AGAP1: variants seen among roughly 807,000 people sequenced by gnomAD.
The protein encoded by AGAP1 is ArfGAP with GTPase domain, ankyrin repeat and PH domain 1.
A neutral mutation model predicts 105.3 loss-of-function variants in AGAP1; 29 were observed. That is an observed-to-expected ratio of 0.28 (90% confidence interval 0.21 to 0.38). The LOEUF is 0.38. Ranked by LOEUF, AGAP1 falls within the 10% of genes least tolerant of loss-of-function variation. The pLI, the probability that AGAP1 is intolerant of heterozygous loss-of-function variation, is 1.00. For missense variants in AGAP1, 998 were observed against 1,165.1 expected (o/e 0.86, Z 2.09); for synonymous variants, 509 against 485.9 (o/e 1.05, Z -0.63).
Position 235,655,071 on chromosome 2 carries a change from CTTT to C in AGAP1, c.164-54096_164-54094del, listed in dbSNP as rs201145604. Among the ~76,000 whole-genome samples the C allele has an allele frequency of 3.5e-5, 5 of 143,648 alleles. No individual in the cohort carries two copies. The highest frequency in any genetic ancestry group is 1.5e-5 in the Non-Finnish European group (1 of 65,418). 94.2% of individuals were successfully genotyped at this position (143,648 alleles called of 152,430 possible). A position where few individuals can be genotyped will look rare whatever the true frequency, so the allele number is the denominator to read the frequency against. ...TAATTACTATATCCAGAATGATCCT[CTTT>C]TTTTTTTTTTTGAGTTGTGTGTTAA... is the stretch of plus-strand genomic sequence containing the variant. On this transcript the variant is annotated intron_variant, in intron 1 of 17. Transcript: ENST00000304032. The surrounding 1 kb of genome is among the most constrained non-coding windows in gnomAD (Gnocchi z 4.3).
At chr2:235,776,753 G>A (rs1483575964) in intron 6 of AGAP1, among the ~76,000 whole-genome samples, 1 of 152,116 alleles carries the variant, frequency 6.6e-6, no homozygotes, top group Non-Finnish European at 1.5e-5. Flanking sequence ...TTGTACTCCA[G>A]GCACTGCAAG....
intron 1 of AGAP1, among the ~76,000 whole-genome samples, chr2:235,683,653 T>C (rs6761947): frequency 0.29 from 43,678 of 151,358 alleles, 7,260 homozygotes; most frequent in East Asian, 0.44. Flanking sequence ...GAGTCCAGCT[T>C]GCTCTCCTTT....
intron 16 of AGAP1, among the ~76,000 whole-genome samples, chr2:236,088,337 G>A (rs1020267955): frequency 2.6e-4 from 39 of 152,244 alleles, no homozygotes; most frequent in African/African-American, 7.0e-4. Context: ...GATAGCTCCA[G>A]CTCTGCTGGA....
In AGAP1 at chr2:235,564,762, G is replaced by A. The variant is rs190011724; in HGVS notation, c.163+69913G>A. On this transcript the variant is annotated intron_variant, in intron 1 of 17. Transcript: ENST00000304032. ...TGGACCAGCACCCAGGGCCAGGTGT[G>A]AGCCTGGACCAGCACCCACGGCCAG... 8.8e-3 allele frequency among the ~76,000 whole-genome samples: 1,200 copies of A among 136,358 alleles called. 24 individuals are homozygous for A. Among genetic ancestry groups the A allele is most frequent in the African/African-American group, 0.035 (1,142 of 32,372 alleles). The allele number at this position is 136,358 out of a possible 152,430, so 89.5% of individuals were successfully genotyped here. A position where few individuals can be genotyped will look rare whatever the true frequency, so the allele number is the denominator to read the frequency against.
At chr2:235,746,548 A>G (rs943239200) in intron 5 of AGAP1, among the ~76,000 whole-genome samples, 1 of 151,666 alleles carries the variant, frequency 6.6e-6, no homozygotes, top group Non-Finnish European at 1.5e-5. Flanking sequence ...GCACCACCCA[A>G]AAGTCCTTGG....
In AGAP1 at chr2:235,601,297, G is replaced by A. The variant is rs1246150415; in HGVS notation, c.163+106448G>A. Among the ~76,000 whole-genome samples the A allele has an allele frequency of 6.6e-6, 1 of 152,164 alleles. No individual in the cohort carries two copies. Among genetic ancestry groups the A allele is most frequent in the Non-Finnish European group, 1.5e-5 (1 of 68,034 alleles). ...TGGGGGTGGGGAGAGAGGCGAGAAG[G>A]GAAGGAGAAAGAGATGGAGACAGGT... On this transcript the variant is annotated intron_variant, in intron 1 of 17. Transcript: ENST00000304032. The surrounding 1 kb of genome is among the most constrained non-coding windows in gnomAD (Gnocchi z 4.4).
At position 236,042,445 on chromosome 2, in the gene AGAP1, T is replaced by C. The variant is rs1046654445; in HGVS notation, c.1891+1604T>C. Reference sequence around the variant, plus strand: ...TGAATGTTTAAGTTTTACTTTCAAATGTGTGGTGAAATGAAGTTCGAAGAG... The same window carrying C: ...TGAATGTTTAAGTTTTACTTTCAAACGTGTGGTGAAATGAAGTTCGAAGAG... On this transcript the variant is annotated intron_variant, in intron 15 of 17. Coordinates refer to ENST00000304032, the MANE Select transcript of AGAP1 (RefSeq NM_001037131.3). This position sits in a 1 kb window ranked among gnomAD's most constrained non-coding sequence, Gnocchi z 5.6. 2.0e-5 allele frequency among the ~76,000 whole-genome samples: 3 copies of C among 152,216 alleles called. No homozygotes were observed. Among genetic ancestry groups the C allele is most frequent in the Non-Finnish European group, 4.4e-5 (3 of 68,040 alleles).
intron 8 of AGAP1, among the ~76,000 whole-genome samples, chr2:235,802,271 C>T (rs965346037): frequency 3.9e-5 from 6 of 152,150 alleles, no homozygotes; most frequent in Admixed American, 2.6e-4. Context: ...TACAGGCATC[C>T]ATGAAGAGGC....
rs1951808208 is a variant in AGAP1 at position 235,729,157 on chromosome 2, G to A, written c.310+11513G>A. ...AATCCCCAGGCCACCTCTGGACCTT[G>A]ACATTGACTAATGGGATGAGCTGCT... is the stretch of plus-strand genomic sequence containing the variant. On this transcript the variant is annotated intron_variant, in intron 3 of 17. Coordinates refer to ENST00000304032, the MANE Select transcript of AGAP1 (RefSeq NM_001037131.3). The surrounding 1 kb of genome is among the most constrained non-coding windows in gnomAD (Gnocchi z 5.0). Among the ~76,000 whole-genome samples the A allele has an allele frequency of 6.6e-6, 1 of 152,174 alleles. No individual in the cohort carries two copies. Among genetic ancestry groups the A allele is most frequent in the South Asian group, 2.1e-4 (1 of 4,824 alleles).
rs1429655296 is a variant in AGAP1 at position 235,877,448 on chromosome 2, A to G, written c.1051-5897A>G. On this transcript the variant is annotated intron_variant, in intron 9 of 17. Transcript: ENST00000304032. The surrounding 1 kb of genome is among the most constrained non-coding windows in gnomAD (Gnocchi z 4.3). ...GTGTCAGCTGCCTCGTGACCGTATC[A>G]CGTGGTGACCCCAGTCTCTTCCTTT... is the stretch of plus-strand genomic sequence containing the variant. Among the ~76,000 whole-genome samples the G allele has an allele frequency of 5.9e-5, 9 of 152,134 alleles. No individual in the cohort carries two copies. Among genetic ancestry groups the G allele is most frequent in the Admixed American group, 5.9e-4 (9 of 15,274 alleles).
At chr2:235,657,372 G>A (rs532822922) in intron 1 of AGAP1, among the ~76,000 whole-genome samples, 1 of 152,178 alleles carries the variant, frequency 6.6e-6, no homozygotes, top group African/African-American at 2.4e-5. Context: ...AATAAGTGAT[G>A]TTGTTGTTGT....
At chr2:236,122,725 C>T (rs1325346647) in intron 17 of AGAP1, among the ~76,000 whole-genome samples, 1 of 142,868 alleles carries the variant, frequency 7.0e-6, no homozygotes, top group Non-Finnish European at 1.5e-5. Flanking sequence ...CTCTGTCTCC[C>T]GGGCTGGAGT....
chr2:235,985,815 CT>C (rs2055290818), intron 13 of AGAP1, among the ~76,000 whole-genome samples: 1 of 152,048 alleles, frequency 6.6e-6, no homozygotes, highest in Admixed American at 6.6e-5. Context: ...CTCTGTTCTG[CT>C]CCATTGGTCT....
At chr2:235,641,645 C>A (rs552255711) in intron 1 of AGAP1, among the ~76,000 whole-genome samples, 169 of 152,342 alleles carry the variant, frequency 1.1e-3, no homozygotes, top group Non-Finnish European at 2.1e-3. Context: ...CTTTCCCCCC[C>A]ACATACGTTC....
At chr2:235,499,152 C>T (rs1351653183) in intron 1 of AGAP1, among the ~76,000 whole-genome samples, 2 of 152,196 alleles carry the variant, frequency 1.3e-5, no homozygotes, top group African/African-American at 4.8e-5. Flanking sequence ...CCGACCTCAC[C>T]TCTGGCCCTC....
intron 16 of AGAP1, chr2:236,049,947 G>A (rs1024228658): frequency 1.3e-5 from 2 of 152,204 alleles, no homozygotes; most frequent in Non-Finnish European, 2.9e-5. Context: ...CTTCTGAGAA[G>A]GCGTATGGCA....
chr2:235,697,368 G>A (rs948142088), intron 1 of AGAP1, among the ~76,000 whole-genome samples: 9 of 152,184 alleles, frequency 5.9e-5, no homozygotes, highest in Admixed American at 2.6e-4. Context: ...CATGTTGTTC[G>A]TCTTCATGTG....
rs909332892 is a variant in AGAP1 at position 235,988,362 on chromosome 2, T to C, written c.1645+19739T>C. On this transcript the variant is annotated intron_variant, in intron 13 of 17. Transcript: ENST00000304032. The surrounding 1 kb of genome is among the most constrained non-coding windows in gnomAD (Gnocchi z 4.7). ...CTGGCCTAAAACTCCTTTTGATTGGTGCGTGGGTGACAATGGATTCCCTGT... is the reference window on the plus strand; with the variant it reads ...CTGGCCTAAAACTCCTTTTGATTGGCGCGTGGGTGACAATGGATTCCCTGT... Among the ~76,000 whole-genome samples the C allele has an allele frequency of 4.6e-5, 7 of 152,130 alleles. No individual in the cohort carries two copies. The highest frequency in any genetic ancestry group is 3.2e-3 in the Middle Eastern group (1 of 316).
rs780836377 is a variant in AGAP1, at chr2:235,494,785, G to A, written c.99G>A (p.Leu33=). ...CCAACATCTACTCCATCTACGAGCT[G>A]CTGGAGCGCGTGGAGGAGCCGGTGC... ...VHPNIYSIYE[L]LERVEEPVLQ... Residue 33 remains leucine (L), a synonymous_variant, in exon 1 of 18, where the codon CTG becomes CTA. Coordinates refer to ENST00000304032, the MANE Select transcript of AGAP1 (RefSeq NM_001037131.3). 1 of 1,584,918 alleles carries A rather than the reference G, an allele frequency of 6.3e-7. No individual in the cohort carries two copies. The highest frequency in any genetic ancestry group is 1.1e-5 in the South Asian group (1 of 88,476).
Sources: allele counts gnomAD v4.1 joint callset (sites outside exome capture counted in the v4.1 genomes callset), GRCh38; gene constraint gnomAD v4.1.1; non-coding constraint Gnocchi (gnomAD v3.1); transcripts MANE v1.5; gene names NCBI Gene and HGNC (gene_info 2026-07-23, HGNC 2026-07-21).